The following MAD1L1 variants were observed in gnomAD, a reference collection of about 807,000 sequenced individuals.
The protein encoded by MAD1L1 is mitotic arrest deficient 1 like 1.
A neutral mutation model predicts 96.9 loss-of-function variants in MAD1L1; 95 were observed. That is an observed-to-expected ratio of 0.98 (90% CI 0.83 to 1.16). The LOEUF is 1.16. MAD1L1 is among the 50% of genes most tolerant of loss of function. The pLI is 0.00. For synonymous variants in MAD1L1, 473 were observed against 396.6 expected (o/e 1.19, Z -2.29); for missense variants, 1,007 against 954.4 (o/e 1.06, Z -0.73).
At chr7:2,077,124 C>T (rs775432158) in intron 11 of MAD1L1, among the ~76,000 whole-genome samples, 13 of 151,760 alleles carry the variant, frequency 8.6e-5, no homozygotes, top group Non-Finnish European at 1.3e-4. Flanking sequence ...GAGATGGTTA[C>T]GACATGGTGA....
chr7:1,912,821 G>T lies in MAD1L1; in HGVS notation c.1808-14431C>A, dbSNP rs564475816. Among the ~76,000 whole-genome samples, 5 of 152,374 alleles carry T rather than the reference G, an allele frequency of 3.3e-5. No homozygotes were observed. The East Asian group carries it at 9.6e-4, about 29-fold the overall frequency. ...AACACGGCCACCTCATCTGTTTCCG[G>T]AAGCTTCCCTCCAGGAACATGCCCA... is the stretch of plus-strand genomic sequence containing the variant. On this transcript the variant is annotated intron_variant, in intron 17 of 18. Transcript: ENST00000265854.
In MAD1L1 at chr7:2,103,624, G is replaced by C. The variant is rs191587204; in HGVS notation, c.1074-34286C>G. Among the ~76,000 whole-genome samples the C allele has an allele frequency of 6.6e-6, 1 of 152,308 alleles. No individual in the cohort carries two copies. Among genetic ancestry groups the C allele is most frequent in the African/African-American group, 2.4e-5 (1 of 41,584 alleles). On this transcript the variant is annotated intron_variant, in intron 11 of 18. Coordinates refer to ENST00000265854, the MANE Select transcript of MAD1L1 (RefSeq NM_001013836.2). The surrounding 1 kb of genome is among the most constrained non-coding windows in gnomAD (Gnocchi z 4.3). The stretch of plus-strand genomic sequence containing the variant: ...CCTGCGAAGGCCTCTCAGGAGCCGG[G>C]CAGCACAGCCAGAACACTGAGACTC...
At chr7:2,080,080 T>A (rs533653137) in intron 11 of MAD1L1, 31 of 200,410 alleles carry the variant, frequency 1.5e-4, no homozygotes, top group Admixed American at 9.8e-4. Flanking sequence ...AGGGGCCACA[T>A]GGCCAACAGG....
At chr7:1,936,653 A>G (rs1419255446) in intron 17 of MAD1L1, 34 bp downstream of exon 17, 1 of 1,538,616 alleles carries the variant, frequency 6.5e-7, no homozygotes, top group South Asian at 1.2e-5. Flanking sequence ...CGGAAGGTCG[A>G]GGATGGCAGG....
intron 16 of MAD1L1, among the ~76,000 whole-genome samples, chr7:1,948,521 C>T (rs929242950): frequency 2.6e-5 from 4 of 152,164 alleles, no homozygotes; most frequent in East Asian, 3.9e-4. Context: ...CGCACAGCTC[C>T]GGAGCTGGCC....
At chr7:1,855,507 C>T (rs1318181956) in intron 18 of MAD1L1, among the ~76,000 whole-genome samples, 1 of 152,060 alleles carries the variant, frequency 6.6e-6, no homozygotes, top group Non-Finnish European at 1.5e-5. Context: ...CCAGTCTCAT[C>T]CCTCACACAC....
At chr7:1,860,531 A>T (rs1784495253) in intron 18 of MAD1L1, among the ~76,000 whole-genome samples, 2 of 152,116 alleles carry the variant, frequency 1.3e-5, no homozygotes, top group African/African-American at 4.8e-5. Flanking sequence ...GACAACCTGC[A>T]GGGTGGCCTC....
intron 11 of MAD1L1, chr7:2,080,006 G>T: frequency 3.3e-6 from 1 of 307,374 alleles, no homozygotes; most frequent in Non-Finnish European, 6.3e-6. Context: ...GAGACCATCC[G>T]TGCGTCCGTC....
chr7:2,087,792 G>A (rs889971924), intron 11 of MAD1L1, among the ~76,000 whole-genome samples: 8 of 152,168 alleles, frequency 5.3e-5, no homozygotes, highest in Non-Finnish European at 1.0e-4. Flanking sequence ...GAAAGCTAGC[G>A]CCAACTGTAT....
intron 15 of MAD1L1, among the ~76,000 whole-genome samples, chr7:1,963,540 C>T (rs1780035505): frequency 1.3e-5 from 2 of 152,334 alleles, no homozygotes; most frequent in Admixed American, 1.3e-4. Flanking sequence ...ATTCACCACA[C>T]TGCACTTGAC....
intron 10 of MAD1L1, among the ~76,000 whole-genome samples, chr7:2,179,157 C>G (rs1358606526): frequency 6.6e-6 from 1 of 152,188 alleles, no homozygotes; most frequent in Non-Finnish European, 1.5e-5. Flanking sequence ...AATCAGGTGG[C>G]TCTCAAGAAG....
intron 18 of MAD1L1, chr7:1,849,737 G>C (rs1269862591): frequency 6.6e-6 from 1 of 152,230 alleles, no homozygotes; most frequent in Non-Finnish European, 1.5e-5. Context: ...GGGGAGGCTG[G>C]ATCAGCAGAC....
chr7:2,092,447 G>A (rs557602162), intron 11 of MAD1L1, among the ~76,000 whole-genome samples: 2 of 152,064 alleles, frequency 1.3e-5, no homozygotes, highest in Admixed American at 6.5e-5. Flanking sequence ...TCACGCATCT[G>A]CCCTCTGGAT....
chr7:1,821,618 G>A (rs1275557703), intron 18 of MAD1L1, among the ~76,000 whole-genome samples: 5 of 152,122 alleles, frequency 3.3e-5, no homozygotes, highest in South Asian at 2.1e-4. Flanking sequence ...GGTGTACAAC[G>A]ACGGCTAGTT....
intron 18 of MAD1L1, among the ~76,000 whole-genome samples, chr7:1,889,422 G>T (rs1786397552): frequency 6.6e-6 from 1 of 152,204 alleles, no homozygotes; most frequent in Non-Finnish European, 1.5e-5. Flanking sequence ...TACTGCTAGG[G>T]TCCCTCAGGA....
chr7:1,819,713 G>C (rs970076873), intron 18 of MAD1L1, among the ~76,000 whole-genome samples: 3 of 152,144 alleles, frequency 2.0e-5, no homozygotes, highest in African/African-American at 7.2e-5. Context: ...AGTGAGGGAG[G>C]GGTGGGGGCT....
At chr7:1,989,021 T>G (rs1781287236) in intron 14 of MAD1L1, among the ~76,000 whole-genome samples, 2 of 152,202 alleles carry the variant, frequency 1.3e-5, no homozygotes, top group African/African-American at 4.8e-5. Context: ...AAGGGTCTAG[T>G]GTCTAGAACA....
At position 1,960,420 on chromosome 7, in the gene MAD1L1, C is replaced by A. The variant is rs117841814; in HGVS notation, c.1506-2701G>T. On this transcript the variant is annotated intron_variant, in intron 15 of 18. Transcript: ENST00000265854. ...TTAAAAAGCAACACCCAATCAGACACCGCTGACAATAATGCACTTTAAATA... is the reference window on the plus strand; with the variant it reads ...TTAAAAAGCAACACCCAATCAGACAACGCTGACAATAATGCACTTTAAATA... 4.2e-3 allele frequency among the ~76,000 whole-genome samples: 632 copies of A among 152,286 alleles called. 1 individual carries two copies. Among genetic ancestry groups the A allele is most frequent in the Non-Finnish European group, 6.8e-3 (465 of 68,016 alleles).
At chr7:2,079,854 A>C (rs1050333887) in intron 11 of MAD1L1, 2 of 423,896 alleles carry the variant, frequency 4.7e-6, no homozygotes, top group African/African-American at 4.1e-5. Flanking sequence ...CCCAGGCTCT[A>C]CTAAACAACC....
Sources: gnomAD v4.1 joint callset for allele counts (sites outside exome capture counted in the v4.1 genomes callset) on GRCh38, gnomAD v4.1.1 for gene constraint, Gnocchi (gnomAD v3.1) non-coding constraint, MANE v1.5 for transcripts, NCBI Gene and HGNC (gene_info 2026-07-23, HGNC 2026-07-21) for gene names.